RDH10: variants seen among roughly 807,000 people sequenced by gnomAD.
RDH10 encodes the protein retinol dehydrogenase 10 (all-trans).
A neutral mutation model predicts 30.2 loss-of-function variants in RDH10; 12 were observed. That is an observed-to-expected ratio of 0.40 (90% CI 0.25 to 0.64). The LOEUF (loss-of-function observed/expected upper bound fraction) is 0.64, where lower values mean the gene tolerates loss of function less well. Ranked by LOEUF, RDH10 falls within the 30% of genes least tolerant of loss-of-function variation. The pLI, the probability that RDH10 is intolerant of heterozygous loss-of-function variation, is 0.43. For missense variants in RDH10, 268 were observed against 445.2 expected (o/e 0.60, Z 3.58); for synonymous variants, 189 against 172.2 (o/e 1.10, Z -0.76).
rs560468119 is a variant in RDH10 at position 73,320,265 on chromosome 8, A to G, written c.625-667A>G. On this transcript the variant is annotated intron_variant, in intron 3 of 5. Coordinates refer to ENST00000240285, the MANE Select transcript of RDH10 (RefSeq NM_172037.5). ...CATTTGTAAATTTTCCAGACACTTCAAAGTGAACCTCTCTCCATTTTAACT... is the reference window on the plus strand; with the variant it reads ...CATTTGTAAATTTTCCAGACACTTCGAAGTGAACCTCTCTCCATTTTAACT... Among the ~76,000 whole-genome samples, 14 of 152,334 alleles carry G rather than the reference A, an allele frequency of 9.2e-5. No homozygotes were observed. The South Asian group carries it at 2.7e-3, about 29-fold the overall frequency.
chr8:73,306,469 TG>T (rs1814464434), intron 2 of RDH10, among the ~76,000 whole-genome samples: 1 of 152,230 alleles, frequency 6.6e-6, no homozygotes, highest in Admixed American at 6.5e-5. Context: ...GAAACTGAAA[TG>T]AAGTGAGCCA....
intron 2 of RDH10, among the ~76,000 whole-genome samples, chr8:73,303,662 T>A (rs763449710): frequency 6.6e-6 from 1 of 152,244 alleles, no homozygotes; most frequent in Non-Finnish European, 1.5e-5. Flanking sequence ...TATCTTATTC[T>A]TGTAGTCACA....
chr8:73,299,063 C>G (rs1814331399), intron 2 of RDH10, among the ~76,000 whole-genome samples: 1 of 152,222 alleles, frequency 6.6e-6, no homozygotes, highest in Admixed American at 6.5e-5. Flanking sequence ...ATCCGCCCGC[C>G]TCAGTGTCCC....
intron 2 of RDH10, among the ~76,000 whole-genome samples, chr8:73,317,748 C>T (rs1814698049): frequency 6.6e-6 from 1 of 151,802 alleles, no homozygotes; most frequent in African/African-American, 2.4e-5. Context: ...TAATGAGACC[C>T]CTTCTCTACA....
intron 2 of RDH10, among the ~76,000 whole-genome samples, 199 bp from the exon 3 acceptor site, chr8:73,318,897 A>C (rs540360899): frequency 3.5e-4 from 53 of 152,386 alleles, no homozygotes; most frequent in African/African-American, 1.2e-3. Flanking sequence ...GTCACGACTT[A>C]TAATAGGCCT....
Position 73,297,231 on chromosome 8 carries a change from C to T in RDH10, c.327C>T (p.Asn109=). The T allele has an allele frequency of 6.2e-7, 1 of 1,613,786 alleles. No homozygotes were observed. The highest frequency in any genetic ancestry group is 1.3e-5 in the African/African-American group (1 of 75,044). ...AGGAAGAAATTCTGCCCCACTGTAA[C>T]TTGCAGGTTTTTACCTACACCTGTG... ...NGEEEILPHC[N]LQVFTYTCDV... Residue 109 remains asparagine (N), a synonymous_variant, in exon 2 of 6, where the codon AAC becomes AAT. Coordinates refer to ENST00000240285, the MANE Select transcript of RDH10 (RefSeq NM_172037.5).
At chr8:73,304,838 T>C (rs1040496812) in intron 2 of RDH10, among the ~76,000 whole-genome samples, 4 of 152,218 alleles carry the variant, frequency 2.6e-5, no homozygotes, top group African/African-American at 9.6e-5. Context: ...CTTAATAATA[T>C]CTTTATATGT....
intron 2 of RDH10, among the ~76,000 whole-genome samples, chr8:73,308,548 A>G (rs924113324): frequency 2.0e-5 from 3 of 152,180 alleles, no homozygotes; most frequent in African/African-American, 2.4e-5. Context: ...CCTGTCTTGA[A>G]AGCTAAGCCT....
intron 2 of RDH10, among the ~76,000 whole-genome samples, chr8:73,316,908 A>G (rs1201554631): frequency 6.6e-6 from 1 of 152,160 alleles, no homozygotes; most frequent in African/African-American, 2.4e-5. Context: ...TGAACCATAC[A>G]TGAAAAATCA....
Position 73,295,463 on chromosome 8 carries a change from G to C in RDH10, c.174G>C (p.Arg58=), listed in dbSNP as rs899729629. Residue 58 remains arginine (R), a synonymous_variant, in exon 1 of 6, where the codon CGG becomes CGC. Transcript: ENST00000240285. ...GCCTCTTCGCGCTGGAGTTCGCCCG[G>C]CGTCGGGCGCTGCTGGTGCTGTGGG... ...LGRLFALEFA[R]RRALLVLWDI... 5.8e-6 allele frequency: 9 copies of C among 1,551,382 alleles called. No homozygotes were observed. Among genetic ancestry groups the C allele is most frequent in the African/African-American group, 1.4e-5 (1 of 73,036 alleles).
intron 2 of RDH10, among the ~76,000 whole-genome samples, chr8:73,309,307 T>C (rs184258442): frequency 1.3e-5 from 2 of 152,324 alleles, no homozygotes; most frequent in East Asian, 3.9e-4. Context: ...CATTGCTGGA[T>C]AATGGAAGGA....
chr8:73,321,432 A>G (rs1035205552), intron 4 of RDH10, among the ~76,000 whole-genome samples: 6 of 152,262 alleles, frequency 3.9e-5, no homozygotes, highest in African/African-American at 1.2e-4. Context: ...AAATTCCTTC[A>G]TGTGACTTGG....
intron 2 of RDH10, among the ~76,000 whole-genome samples, chr8:73,299,040 C>T (rs1814330594): frequency 6.6e-6 from 1 of 152,042 alleles, no homozygotes; most frequent in Non-Finnish European, 1.5e-5. Flanking sequence ...TCTCGAACTC[C>T]TGACCTCAGG....
In RDH10 at chr8:73,317,954, A is replaced by G. The variant is rs149573983; in HGVS notation, c.526-1142A>G. Among the ~76,000 whole-genome samples, 34 of 132,018 alleles carry G rather than the reference A, an allele frequency of 2.6e-4. No individual in the cohort carries two copies. In the East Asian group the frequency reaches 7.3e-3, roughly 28 times the overall value. The allele number at this position is 132,018 out of a possible 152,430, so 86.6% of individuals were successfully genotyped here. The stretch of plus-strand genomic sequence containing the variant: ...CCCAAAAAAAAAAAACCACAAACCC[A>G]TATTAGGTATTCATGCAAAAACTCA... On this transcript the variant is annotated intron_variant, in intron 2 of 5. Transcript: ENST00000240285.
intron 2 of RDH10, among the ~76,000 whole-genome samples, chr8:73,318,342 G>A (rs1814710587): frequency 6.6e-6 from 1 of 152,258 alleles, no homozygotes; most frequent in Admixed American, 6.5e-5. Context: ...AAGTTTCAGG[G>A]CCTCTGGGTC....
In RDH10 at chr8:73,303,757, A is replaced by G. The variant is rs544827917; in HGVS notation, c.525+6328A>G. Among the ~76,000 whole-genome samples, 5 of 152,300 alleles carry G rather than the reference A, an allele frequency of 3.3e-5. No homozygotes were observed. In the South Asian group the frequency reaches 1.0e-3, roughly 32 times the overall value. On this transcript the variant is annotated intron_variant, in intron 2 of 5. Transcript: ENST00000240285. ...ACCTATATACACCAAATAGGATCACATGCTCATTGAACTTTGAGTTTCTGT... is the reference window on the plus strand; with the variant it reads ...ACCTATATACACCAAATAGGATCACGTGCTCATTGAACTTTGAGTTTCTGT...
At chr8:73,296,599 A>G (rs934986123) in intron 1 of RDH10, among the ~76,000 whole-genome samples, 2 of 152,116 alleles carry the variant, frequency 1.3e-5, no homozygotes, top group Non-Finnish European at 1.5e-5. Context: ...AAAATTGCAT[A>G]TTTACCTGTA....
Position 73,294,677 on chromosome 8 carries a change from A to G in RDH10, c.-613A>G, listed in dbSNP as rs1814217098. The G allele has an allele frequency of 2.8e-6, 1 of 361,682 alleles. No individual in the cohort carries two copies. Among genetic ancestry groups the G allele is most frequent in the East Asian group, 4.0e-5 (1 of 24,940 alleles). The allele number at this position is 361,682 out of a possible 1,614,324, so 22.4% of individuals were successfully genotyped here. A position where few individuals can be genotyped will look rare whatever the true frequency, so the allele number is the denominator to read the frequency against. On this transcript the variant is annotated 5_prime_UTR_variant, in exon 1 of 6. Transcript: ENST00000240285. ...CAGTGCCCGAGTGACACCCGCGGAG[A>G]GTGCAGGGCCGGGGAACGCGAGCCC...
At chr8:73,297,763 T>G in intron 2 of RDH10, 1 of 234,484 alleles carries the variant, frequency 4.3e-6, no homozygotes, top group Non-Finnish European at 8.6e-6. Context: ...AAACATTGGT[T>G]GTTCTTATGA....
Sources: gnomAD v4.1 joint callset for allele counts (sites outside exome capture counted in the v4.1 genomes callset) on GRCh38, gnomAD v4.1.1 for gene constraint, MANE v1.5 for transcripts, NCBI Gene and HGNC (gene_info 2026-07-23, HGNC 2026-07-21) for gene names.